AMD1: variants seen among roughly 807,000 people sequenced by gnomAD.
The protein encoded by AMD1 is S-adenosylmethionine decarboxylase proenzyme.
Under a neutral mutation model 40.2 loss-of-function variants are expected in AMD1, and 11 were observed. That is an observed-to-expected ratio of 0.27 (90% CI 0.17 to 0.45). The LOEUF is 0.45. Ranked by LOEUF, AMD1 falls within the 20% of genes least tolerant of loss-of-function variation. The pLI, the probability that AMD1 is intolerant of heterozygous loss-of-function variation, is 1.00. For missense variants in AMD1, 257 were observed against 410.2 expected, an observed-to-expected ratio of 0.63 and a Z score of 3.23; for synonymous variants, 121 against 130.8, an observed-to-expected ratio of 0.93 and a Z score of 0.51.
the AMD1 span, chr6:110,858,638 A>T: frequency 7.4e-7 from 1 of 1,352,476 alleles, no homozygotes; most frequent in South Asian, 1.2e-5. Flanking sequence ...GGCCAGGACT[A>T]AGGGGCTGCA....
At chr6:110,835,263 C>T in the AMD1 span, among the ~76,000 whole-genome samples, 19 of 151,822 alleles carry the variant, frequency 1.3e-4, no homozygotes, top group African/African-American at 4.6e-4. Context: ...CGTGATCCGC[C>T]CGCCTCAGCC....
At chr6:110,836,856 T>C in the AMD1 span, among the ~76,000 whole-genome samples, 1 of 152,040 alleles carries the variant, frequency 6.6e-6, no homozygotes, top group Admixed American at 6.6e-5. Flanking sequence ...TTGATAGATA[T>C]GAAACAATGT....
At chr6:110,815,344 T>G in the AMD1 span, 4 of 396,152 alleles carry the variant, frequency 1.0e-5, no homozygotes, top group African/African-American at 2.1e-5. Flanking sequence ...CTCTTCCTCC[T>G]CCTCCTCCGC....
the AMD1 span, among the ~76,000 whole-genome samples, chr6:110,838,972 G>C: frequency 6.6e-6 from 1 of 152,046 alleles, no homozygotes; most frequent in African/African-American, 2.4e-5. Flanking sequence ...TCAGCATGTC[G>C]GCCAGGCTGG....
At chr6:110,873,220 C>T (rs774257490), upstream of AMD1, among the ~76,000 whole-genome samples, 31 of 152,000 alleles carry the variant, frequency 2.0e-4, no homozygotes, top group Non-Finnish European at 3.8e-4. Flanking sequence ...AAAAATTGGC[C>T]GGGTGTGTTG....
chr6:110,880,207 G>A (rs573969069), intron 1 of AMD1, among the ~76,000 whole-genome samples: 4 of 152,020 alleles, frequency 2.6e-5, no homozygotes, highest in Non-Finnish European at 4.4e-5. Flanking sequence ...TTGAGCCATC[G>A]CCCCTGGTCC....
At chr6:110,858,395 G>A in the AMD1 span, 9 of 849,068 alleles carry the variant, frequency 1.1e-5, no homozygotes, top group South Asian at 1.2e-4. Context: ...CTTCCAGAAG[G>A]GCCTGAAGGA....
chr6:110,857,474 G>A, the AMD1 span, among the ~76,000 whole-genome samples: 1 of 151,176 alleles, frequency 6.6e-6, no homozygotes, highest in Non-Finnish European at 1.5e-5. Context: ...TGGAGATTGT[G>A]GAGAGCCGAG....
At chr6:110,846,540 G>A in the AMD1 span, among the ~76,000 whole-genome samples, 1 of 152,154 alleles carries the variant, frequency 6.6e-6, no homozygotes. Flanking sequence ...ATGAAATGAT[G>A]TAAATGTACA....
intron 3 of AMD1, chr6:110,889,887 C>T (rs2115306348): frequency 6.0e-6 from 1 of 165,984 alleles, no homozygotes; most frequent in South Asian, 1.7e-4. Context: ...ATATGTTATT[C>T]CCCCCAAATT....
chr6:110,851,774 T>A, the AMD1 span, among the ~76,000 whole-genome samples: 1 of 152,188 alleles, frequency 6.6e-6, no homozygotes, highest in Non-Finnish European at 1.5e-5. Context: ...CAAAATTGGT[T>A]CTAATCACAT....
the AMD1 span, among the ~76,000 whole-genome samples, chr6:110,827,927 A>G: frequency 6.6e-6 from 1 of 152,148 alleles, no homozygotes; most frequent in Admixed American, 6.5e-5. Flanking sequence ...AAGAACTTTT[A>G]TTGTTTTTAT....
the AMD1 span, among the ~76,000 whole-genome samples, chr6:110,822,008 G>A: frequency 7.9e-5 from 12 of 152,090 alleles, no homozygotes; most frequent in Non-Finnish European, 1.5e-4. Flanking sequence ...AAATACAAAA[G>A]ATCAATGAAA....
the AMD1 span, among the ~76,000 whole-genome samples, chr6:110,817,604 G>A: frequency 1.9e-4 from 29 of 151,310 alleles, no homozygotes; most frequent in African/African-American, 5.3e-4. Context: ...GCAAGACCCC[G>A]ACTCAAAAAA....
the AMD1 span, among the ~76,000 whole-genome samples, chr6:110,828,842 A>G: frequency 6.6e-6 from 1 of 152,102 alleles, no homozygotes; most frequent in Non-Finnish European, 1.5e-5. Context: ...ACCTCCCCTC[A>G]ACTAGGTTGG....
the AMD1 span, chr6:110,858,894 T>G: frequency 1.2e-6 from 1 of 829,014 alleles, no homozygotes; most frequent in Admixed American, 1.7e-5. Context: ...GCCAGCCAGG[T>G]GGGCATGACG....
At chr6:110,893,349 A>C in intron 8 of AMD1, 127 bp from the exon 9 acceptor site, 1 of 1,328,302 alleles carries the variant, frequency 7.5e-7, no homozygotes, top group Non-Finnish European at 1.0e-6. Context: ...TCCAGCACAT[A>C]AGAAGGCAGC....
At chr6:110,819,619 G>A in the AMD1 span, among the ~76,000 whole-genome samples, 7 of 152,150 alleles carry the variant, frequency 4.6e-5, no homozygotes, top group Admixed American at 2.0e-4. Flanking sequence ...GGGGCATGTC[G>A]AATTGGAAGT....
intron 2 of AMD1, among the ~76,000 whole-genome samples, chr6:110,888,085 C>G (rs1306618572): frequency 6.6e-6 from 1 of 152,076 alleles, no homozygotes; most frequent in African/African-American, 2.4e-5. Flanking sequence ...CCGGACAGTT[C>G]AAGGTGTTTG....
Sources: allele counts gnomAD v4.1 joint callset (sites outside exome capture counted in the v4.1 genomes callset), GRCh38; gene constraint gnomAD v4.1.1; transcripts MANE v1.5; gene names NCBI Gene and HGNC (gene_info 2026-07-23, HGNC 2026-07-21).